The following ORC1 variants were observed in gnomAD, a reference collection of about 807,000 sequenced individuals.
ORC1 encodes origin recognition complex, subunit 1 homolog.
In ORC1, 61 loss-of-function variants were observed where a neutral mutation model predicts 98.9. The observed-to-expected ratio is 0.62, with a 90% confidence interval of 0.50 to 0.76. The LOEUF (loss-of-function observed/expected upper bound fraction) is 0.76. ORC1 is among the 30% of genes least tolerant of loss of function. The pLI is 0.00. For missense variants in ORC1, 979 were observed against 1,072.2 expected (o/e 0.91, Z 1.21); for synonymous variants, 385 against 406.9 (o/e 0.95, Z 0.65).
chr1:52,408,883 C>A, upstream of ORC1: 1 of 542,436 alleles, frequency 1.8e-6, no homozygotes, highest in Non-Finnish European at 3.1e-6. Flanking sequence ...TGGCCTTACC[C>A]AGCCTGCCTC....
intron 14 of ORC1, among the ~76,000 whole-genome samples, chr1:52,376,461 G>A (rs1256876846): frequency 1.3e-5 from 2 of 152,006 alleles, no homozygotes; most frequent in Non-Finnish European, 2.9e-5. Flanking sequence ...GTTGCAGTGA[G>A]CCAAGATCAC....
upstream of ORC1, chr1:52,404,739 G>A (rs1050018734): frequency 3.1e-6 from 5 of 1,612,244 alleles, no homozygotes; most frequent in Non-Finnish European, 3.4e-6. Flanking sequence ...TAGAATTGAA[G>A]GCATTCTAAA....
intron 9 of ORC1, 82 bp downstream of exon 9, chr1:52,385,770 C>T: frequency 1.1e-6 from 1 of 882,822 alleles, no homozygotes; most frequent in African/African-American, 1.6e-5. Flanking sequence ...TTAGGTAGAC[C>T]AGTGACTGCT....
chr1:52,388,464 AGGGTATGT>A lies in ORC1; in HGVS notation c.1353_1360del (p.Leu451PhefsTer12), dbSNP rs1647172286. The A allele has an allele frequency of 2.5e-6, 4 of 1,613,926 alleles. No homozygotes were observed. The highest frequency in any genetic ancestry group is 3.4e-6 in the Non-Finnish European group (4 of 1,179,942). ...TACACTCTTCTTTGGCACCTTCGTGAGGGTATGTAAGGATGACTTCAAGGAAGATCGCA... is the reference window on the plus strand; with the variant it reads ...TACACTCTTCTTTGGCACCTTCGTGAAAGGATGACTTCAAGGAAGATCGCA... On this transcript the variant is annotated frameshift_variant, in exon 8 of 17. Transcript: ENST00000371568. LOFTEE classifies it high-confidence loss of function.
chr1:52,397,774 G>T lies in ORC1; in HGVS notation c.313C>A (p.Arg105=), dbSNP rs778980446. ...AATATTTCCTGTGCACCAGGCTTCC[G>T]GCCCAACAAATGCCGTTTACAGGCA... ...VPACKRHLLG[R]KPGAQEIFWY... is the part of the protein sequence containing the mutation. Residue 105 remains arginine, a synonymous_variant, in exon 4 of 17, where the codon CGG becomes AGG. Coordinates refer to ENST00000371568, the MANE Select transcript of ORC1 (RefSeq NM_004153.4). The T allele has an allele frequency of 6.2e-7, 1 of 1,614,088 alleles. No individual in the cohort carries two copies. Among genetic ancestry groups the T allele is most frequent in the South Asian group, 1.1e-5 (1 of 91,076 alleles).
At chr1:52,408,757 C>T, upstream of ORC1, 1 of 1,564,056 alleles carries the variant, frequency 6.4e-7, no homozygotes, top group East Asian at 2.3e-5. Context: ...AGTACTTCTA[C>T]CTTTGCATTG....
chr1:52,405,433 C>T (rs959919597), upstream of ORC1, among the ~76,000 whole-genome samples: 1 of 152,170 alleles, frequency 6.6e-6, no homozygotes, highest in Non-Finnish European at 1.5e-5. Flanking sequence ...AAGAACATTG[C>T]TAGAACTTTC....
upstream of ORC1, among the ~76,000 whole-genome samples, chr1:52,409,304 A>G (rs548579850): frequency 4.6e-5 from 7 of 152,356 alleles, no homozygotes; most frequent in East Asian, 1.3e-3. Flanking sequence ...ATGTATCATT[A>G]AACAGTAGAA....
In ORC1 at chr1:52,388,573, C is replaced by G; in HGVS notation, c.1252G>C (p.Asp418His). 14 of 1,614,164 alleles carry G rather than the reference C, an allele frequency of 8.7e-6. No homozygotes were observed. Among genetic ancestry groups the G allele is most frequent in the Non-Finnish European group, 1.2e-5 (14 of 1,180,036 alleles). Residue 418 changes from aspartate (D) to histidine (H), a missense_variant, in exon 8 of 17, where the codon GAC becomes CAC. Asp to His is a moderately conservative substitution (Grantham distance 81). Transcript: ENST00000371568. The stretch of plus-strand genomic sequence containing the variant: ...GCCTCTTCTTCGTCACTGCTAGAGT[C>G]TGAAATCTCTGCTGCTGGCAGAATC... ...KEILPAAEIS[D>H]SSSDEEEAST...
chr1:52,396,402 G>A, intron 4 of ORC1, 38 bp from the exon 5 acceptor site: 1 of 1,613,320 alleles, frequency 6.2e-7, no homozygotes, highest in Non-Finnish European at 8.5e-7. Flanking sequence ...GAAGAGATGA[G>A]CCCCAAGAGA....
At chr1:52,392,432 A>G (rs1647234968) in intron 6 of ORC1, among the ~76,000 whole-genome samples, 1 of 152,138 alleles carries the variant, frequency 6.6e-6, no homozygotes, top group African/African-American at 2.4e-5. Context: ...CCAGCCAGAA[A>G]AGGGAACACT....
At position 52,396,342 on chromosome 1, in the gene ORC1, T is replaced by C. The variant is rs770713995; in HGVS notation, c.425A>G (p.Asp142Gly). The change falls in exon 5 of 17, where the codon GAT becomes GGT. Residue 142 changes from aspartate to glycine, a missense_variant. Transcript: ENST00000371568. ...ATTTTTCAGATTCGTCGGTACCACA[T>C]CCTTTGGGGCTAAAGGTATCACCTG... The part of the protein sequence containing the change: ...LVRVIPLAPK[D>G]VVPTNLKNEK... The C allele has an allele frequency of 1.9e-6, 3 of 1,614,098 alleles. No individual in the cohort carries two copies. Among genetic ancestry groups the C allele is most frequent in the Admixed American group, 3.3e-5 (2 of 60,024 alleles).
chr1:52,385,069 G>A (rs773760773), intron 10 of ORC1, 92 bp downstream of exon 10: 200 of 863,574 alleles, frequency 2.3e-4, no homozygotes, highest in Non-Finnish European at 3.7e-4. Flanking sequence ...TGATACTGGA[G>A]AAAGCCTGTA....
At chr1:52,397,922 C>A (rs758864405) in intron 3 of ORC1, 59 bp from the exon 4 acceptor site, 1 of 1,460,582 alleles carries the variant, frequency 6.8e-7, no homozygotes, top group South Asian at 1.1e-5. Flanking sequence ...CTTTACTGAG[C>A]AATTCCTATG....
chr1:52,399,305 A>G (rs1298415371), intron 3 of ORC1, among the ~76,000 whole-genome samples: 1 of 152,102 alleles, frequency 6.6e-6, no homozygotes, highest in Non-Finnish European at 1.5e-5. Context: ...CCTGCCCAAC[A>G]TGGTGAGACC....
chr1:52,383,769 C>T, intron 12 of ORC1, 61 bp downstream of exon 12: 1 of 1,451,102 alleles, frequency 6.9e-7, no homozygotes, highest in East Asian at 2.3e-5. Context: ...TCCCTCCCAT[C>T]CAGCACTTGC....
intron 5 of ORC1, among the ~76,000 whole-genome samples, chr1:52,394,193 A>G (rs1289330083): frequency 6.6e-6 from 1 of 152,158 alleles, no homozygotes; most frequent in Middle Eastern, 3.2e-3. Context: ...TCAAGTAACA[A>G]TGAGGCCAAG....
At chr1:52,376,679 G>A (rs1454076909) in intron 14 of ORC1, among the ~76,000 whole-genome samples, 2 of 152,130 alleles carry the variant, frequency 1.3e-5, no homozygotes, top group East Asian at 1.9e-4. Context: ...GGCACTTTGT[G>A]TGGTGAATAG....
chr1:52,391,825 G>A (rs1195903237), intron 6 of ORC1, among the ~76,000 whole-genome samples: 1 of 151,356 alleles, frequency 6.6e-6, no homozygotes, highest in Non-Finnish European at 1.5e-5. Flanking sequence ...TTGAACCCAG[G>A]AGGCAAAGGT....
Sources: gnomAD v4.1 joint callset for allele counts (sites outside exome capture counted in the v4.1 genomes callset) on GRCh38, gnomAD v4.1.1 for gene constraint, MANE v1.5 for transcripts, NCBI Gene and HGNC (gene_info 2026-07-23, HGNC 2026-07-21) for gene names.